Variants in MED13L observed in about 807,000 individuals in gnomAD.
The protein encoded by MED13L is mediator complex subunit 13L.
In MED13L, 7 loss-of-function variants were observed where a neutral mutation model predicts 220.9. That is an observed-to-expected ratio of 0.03 (90% confidence interval 0.02 to 0.06). MED13L has a LOEUF of 0.06. Among genes scored for constraint, MED13L ranks in the 10% least tolerant of loss-of-function variants. The pLI is 1.00. For missense variants in MED13L, 1,965 were observed against 2,760.5 expected, an observed-to-expected ratio of 0.71 and a Z score of 6.46; for synonymous variants, 1,011 against 1,015.2, an observed-to-expected ratio of 1.00 and a Z score of 0.08.
At chr12:116,030,114 T>G (rs1283578858) in intron 4 of MED13L, among the ~76,000 whole-genome samples, 1 of 152,072 alleles carries the variant, frequency 6.6e-6, no homozygotes, top group Non-Finnish European at 1.5e-5. Context: ...ATTACAGATG[T>G]GCGCCGCTAC....
intron 2 of MED13L, among the ~76,000 whole-genome samples, chr12:116,161,753 G>A (rs1009103025): frequency 3.9e-5 from 6 of 152,138 alleles, no homozygotes; most frequent in East Asian, 3.9e-4. Context: ...TTACGTCAAC[G>A]CTAACAAAAC....
intron 1 of MED13L, among the ~76,000 whole-genome samples, chr12:116,268,944 T>C (rs529251652): frequency 6.6e-5 from 10 of 152,348 alleles, no homozygotes; most frequent in Admixed American, 5.9e-4. Context: ...CAATTTTTTT[T>C]CCCCATCAAC....
chr12:115,960,800 T>G lies in MED13L; in HGVS notation c.*466A>C, dbSNP rs971668095. ...GTATGAAACCATGTACTTGAGCTGG[T>G]TCTTATTTTTAAAAAGTCCCAGATT... is the stretch of plus-strand genomic sequence containing the variant. On this transcript the variant is annotated 3_prime_UTR_variant, in exon 31 of 31. Coordinates refer to ENST00000281928, the MANE Select transcript of MED13L (RefSeq NM_015335.5). 2.7e-5 allele frequency: 6 copies of G among 219,440 alleles called. No individual in the cohort carries two copies. The East Asian group carries it at 5.0e-4, about 18-fold the overall frequency. 13.6% of individuals were successfully genotyped at this position (219,440 alleles called of 1,614,324 possible).
At chr12:116,149,100 T>A (rs533559240) in intron 2 of MED13L, among the ~76,000 whole-genome samples, 28 of 152,340 alleles carry the variant, frequency 1.8e-4, no homozygotes, top group African/African-American at 6.3e-4. Context: ...CACCGTACCA[T>A]GTGCCCAGAA....
At chr12:116,215,526 C>T (rs568152567) in intron 2 of MED13L, among the ~76,000 whole-genome samples, 5 of 152,240 alleles carry the variant, frequency 3.3e-5, no homozygotes, top group Admixed American at 2.0e-4. Flanking sequence ...TCCTATTGTG[C>T]TAAAATACAA....
intron 4 of MED13L, among the ~76,000 whole-genome samples, chr12:116,036,217 A>C (rs1375672589): frequency 2.0e-5 from 3 of 152,260 alleles, no homozygotes; most frequent in Non-Finnish European, 4.4e-5. Flanking sequence ...AAGTTTCATC[A>C]TGAGAAGAAC....
intron 4 of MED13L, among the ~76,000 whole-genome samples, chr12:116,033,792 C>T (rs546469334): frequency 6.6e-5 from 10 of 152,050 alleles, no homozygotes; most frequent in African/African-American, 2.2e-4. Context: ...CTTTTATATA[C>T]ATATAACAGG....
At chr12:116,217,915 A>C (rs191486804) in intron 2 of MED13L, among the ~76,000 whole-genome samples, 1 of 152,342 alleles carries the variant, frequency 6.6e-6, no homozygotes, top group East Asian at 1.9e-4. Flanking sequence ...GCATTAATTA[A>C]GTTTCTGGAA....
intron 17 of MED13L, among the ~76,000 whole-genome samples, chr12:115,990,402 TCAGTAAC>T (rs1877979543): frequency 6.6e-6 from 1 of 152,206 alleles, no homozygotes; most frequent in Non-Finnish European, 1.5e-5. Flanking sequence ...CTTGTTTCTT[TCAGTAAC>T]CATTTTATCC....
At chr12:116,051,804 A>G (rs962588321) in intron 4 of MED13L, among the ~76,000 whole-genome samples, 1 of 152,184 alleles carries the variant, frequency 6.6e-6, no homozygotes, top group Non-Finnish European at 1.5e-5. Context: ...TCCACTTATG[A>G]CATCATGTGG....
At chr12:116,054,811 G>A (rs1279783770) in intron 4 of MED13L, among the ~76,000 whole-genome samples, 1 of 152,114 alleles carries the variant, frequency 6.6e-6, no homozygotes. Flanking sequence ...TATTAAAGCT[G>A]AACATGTGCC....
intron 3 of MED13L, among the ~76,000 whole-genome samples, chr12:116,097,913 G>A (rs765852578): frequency 2.0e-4 from 30 of 152,132 alleles, no homozygotes; most frequent in East Asian, 3.9e-4. Context: ...GGCCAACTGC[G>A]GATGCCATGG....
At chr12:116,001,722 TAA>T (rs1878755500) in intron 14 of MED13L, among the ~76,000 whole-genome samples, 1 of 152,246 alleles carries the variant, frequency 6.6e-6, no homozygotes, top group African/African-American at 2.4e-5. Context: ...TTCCTGGTGT[TAA>T]TATTCTGTGC....
intron 5 of MED13L, 45 bp downstream of exon 5, chr12:116,022,411 A>G: frequency 1.2e-6 from 2 of 1,608,518 alleles, no homozygotes; most frequent in South Asian, 2.2e-5. Context: ...ATGGTTATCC[A>G]CTCGGTGGCG....
chr12:116,102,448 T>C (rs867839271), intron 3 of MED13L, among the ~76,000 whole-genome samples: 3 of 152,150 alleles, frequency 2.0e-5, no homozygotes, highest in Non-Finnish European at 2.9e-5. Context: ...CTCAACAAAA[T>C]TACATCTTCT....
intron 2 of MED13L, among the ~76,000 whole-genome samples, chr12:116,115,607 C>G (rs1466307877): frequency 6.6e-6 from 1 of 151,432 alleles, no homozygotes; most frequent in Non-Finnish European, 1.5e-5. Context: ...AATCACATAT[C>G]TGACAAGGAC....
At chr12:116,116,642 CAG>C (rs1874546003) in intron 2 of MED13L, among the ~76,000 whole-genome samples, 1 of 151,944 alleles carries the variant, frequency 6.6e-6, no homozygotes, top group Admixed American at 6.6e-5. Flanking sequence ...TTTGGAGGTC[CAG>C]ACTTACTCCT....
intron 2 of MED13L, among the ~76,000 whole-genome samples, chr12:116,127,729 CCTG>C (rs1404024121): frequency 1.3e-5 from 2 of 152,194 alleles, no homozygotes; most frequent in Non-Finnish European, 2.9e-5. Flanking sequence ...AACTAGTCTC[CCTG>C]CTTTCACTCA....
At chr12:115,961,987 C>T (rs144744927) in intron 30 of MED13L, among the ~76,000 whole-genome samples, 1,555 of 150,824 alleles carry the variant, frequency 0.01, 28 homozygotes, top group African/African-American at 0.035. Flanking sequence ...AAAAAGAAAA[C>T]GAAAAAAAGA....
Sources: gnomAD v4.1 joint callset for allele counts (sites outside exome capture counted in the v4.1 genomes callset) on GRCh38, gnomAD v4.1.1 for gene constraint, MANE v1.5 for transcripts, NCBI Gene and HGNC (gene_info 2026-07-23, HGNC 2026-07-21) for gene names.